TET1: variants seen among roughly 807,000 people sequenced by gnomAD.
TET1 encodes tet methylcytosine dioxygenase 1.
A neutral mutation model predicts 148.7 loss-of-function variants in TET1; 13 were observed. The ratio of observed to expected loss-of-function variants is 0.09; its 90% CI spans 0.06 to 0.14. TET1 has a LOEUF of 0.14. TET1 is among the 10% of genes least tolerant of loss of function. The pLI is 1.00. For synonymous variants in TET1, 907 were observed against 937.2 expected, an observed-to-expected ratio of 0.97 and a Z score of 0.59; for missense variants, 2,182 against 2,553.8, an observed-to-expected ratio of 0.85 and a Z score of 3.14.
At chr10:68,673,376 G>T in intron 8 of TET1, 1 of 289,332 alleles carries the variant, frequency 3.5e-6, no homozygotes, top group South Asian at 3.3e-5. Flanking sequence ...AAATTTCAAA[G>T]ACTCAGAAAG....
rs199726871 is a variant in TET1, at chr10:68,646,291, G to A, written c.3562G>A (p.Asp1188Asn). 233 of 1,614,130 alleles carry A rather than the reference G, an allele frequency of 1.4e-4. No individual in the cohort carries two copies. Among genetic ancestry groups the A allele is most frequent in the Non-Finnish European group, 1.8e-4 (215 of 1,180,040 alleles). The change falls in exon 4 of 12, where the codon GAC becomes AAC. Residue 1188 changes from aspartate (D) to asparagine (N), a missense_variant. Physicochemically the swap from Asp to Asn is conservative, Grantham distance 23. This residue lies in a region of TET1 where 582 missense variants were observed against 599.5 expected (regional missense o/e 0.97). Transcript: ENST00000373644. ...KLSYMYGTIC[D>N]IWIASKFQNF... ...GTCCTATATGTATGGCACAATATGC[G>A]ACATTTGGATAGCATCGAAATTTCA... is the stretch of plus-strand genomic sequence containing the variant.
intron 9 of TET1, among the ~76,000 whole-genome samples, chr10:68,681,704 C>T (rs1411141815): frequency 2.6e-5 from 4 of 152,068 alleles, no homozygotes; most frequent in Admixed American, 6.6e-5. Flanking sequence ...CGTTAGCTCA[C>T]GCCTGTAATC....
chr10:68,637,255 T>C (rs913556495), intron 3 of TET1, among the ~76,000 whole-genome samples: 3 of 152,012 alleles, frequency 2.0e-5, no homozygotes, highest in Non-Finnish European at 2.9e-5. Flanking sequence ...CTCCCAAAGT[T>C]CTGGGATTAT....
chr10:68,590,107 CT>C (rs2053902532), intron 2 of TET1, among the ~76,000 whole-genome samples: 1 of 152,044 alleles, frequency 6.6e-6, no homozygotes, highest in African/African-American at 2.4e-5. Context: ...ATAACACATG[CT>C]TTTCTTTTTT....
intron 3 of TET1, among the ~76,000 whole-genome samples, chr10:68,622,070 T>C (rs563376373): frequency 1.3e-5 from 2 of 152,310 alleles, no homozygotes; most frequent in East Asian, 3.9e-4. Flanking sequence ...AATAACACAG[T>C]GCTATTAACT....
intron 3 of TET1, among the ~76,000 whole-genome samples, chr10:68,635,002 C>G (rs2054629707): frequency 6.6e-6 from 1 of 151,442 alleles, no homozygotes. Flanking sequence ...ACCATGTTGG[C>G]CAGGCTGGTC....
intron 8 of TET1, among the ~76,000 whole-genome samples, chr10:68,679,236 C>T (rs544824388): frequency 6.6e-6 from 1 of 152,098 alleles, no homozygotes; most frequent in Non-Finnish European, 1.5e-5. Context: ...ACTGTACAAA[C>T]TATGAGTTGC....
chr10:68,595,953 TATATATATACACAC>T (rs1190126924), intron 2 of TET1, among the ~76,000 whole-genome samples: 28 of 33,010 alleles, frequency 8.5e-4, no homozygotes, highest in East Asian at 2.1e-3. Context: ...TATATATATA[TATATATATACACAC>T]ACACACACAC....
Position 68,560,456 on chromosome 10 carries a change from C to A in TET1, c.-409C>A, listed in dbSNP as rs1459464950. ...GCGCAGCCGCTGGCCCCTCTACTCCCGGGTCTGCCCCCCGGGACACCCCTC... is the reference window on the plus strand; with the variant it reads ...GCGCAGCCGCTGGCCCCTCTACTCCAGGGTCTGCCCCCCGGGACACCCCTC... On this transcript the variant is annotated 5_prime_UTR_variant, in exon 1 of 12. Transcript: ENST00000373644. Among the ~76,000 whole-genome samples the A allele has an allele frequency of 1.3e-5, 2 of 152,216 alleles. No individual in the cohort carries two copies. The highest frequency in any genetic ancestry group is 2.9e-5 in the Non-Finnish European group (2 of 68,028).
At chr10:68,585,161 C>A (rs2053847265) in intron 2 of TET1, among the ~76,000 whole-genome samples, 1 of 152,142 alleles carries the variant, frequency 6.6e-6, no homozygotes, top group East Asian at 1.9e-4. Context: ...TGCGCCACCA[C>A]ACCAGGCTAA....
intron 3 of TET1, among the ~76,000 whole-genome samples, chr10:68,614,457 A>G (rs760464173): frequency 1.6e-4 from 25 of 152,190 alleles, no homozygotes; most frequent in Non-Finnish European, 3.4e-4. Flanking sequence ...AGTCAAATTC[A>G]CTGCCCAAGA....
At position 68,611,382 on chromosome 10, in the gene TET1, C is replaced by T. The variant is rs141437430; in HGVS notation, c.1968+10348C>T. Among the ~76,000 whole-genome samples the T allele has an allele frequency of 2.5e-3, 383 of 151,960 alleles. 3 individuals are homozygous for T. Among genetic ancestry groups the T allele is most frequent in the African/African-American group, 9.1e-3 (375 of 41,436 alleles). On this transcript the variant is annotated intron_variant, in intron 3 of 11. Coordinates refer to ENST00000373644, the MANE Select transcript of TET1 (RefSeq NM_030625.3). ...GTCCTAGCTACTCAGAAGGCTAAAG[C>T]AAGAGGATTGCTTGAACTATGGAGC...
chr10:68,616,269 T>C (rs913755628), intron 3 of TET1, among the ~76,000 whole-genome samples: 2 of 150,398 alleles, frequency 1.3e-5, no homozygotes, highest in African/African-American at 2.4e-5. Context: ...GCTATATCTC[T>C]TTAGTCTTTC....
intron 3 of TET1, among the ~76,000 whole-genome samples, chr10:68,640,391 G>C (rs994685838): frequency 3.8e-4 from 58 of 150,830 alleles, no homozygotes; most frequent in Non-Finnish European, 2.9e-4. Flanking sequence ...AGCCTTCCGA[G>C]TTGCTGGGAT....
intron 3 of TET1, among the ~76,000 whole-genome samples, chr10:68,611,215 C>T (rs2054204458): frequency 6.6e-6 from 1 of 151,924 alleles, no homozygotes; most frequent in Admixed American, 6.6e-5. Flanking sequence ...TGCTTGACCT[C>T]AGGAGGCGGA....
rs1333809107 is a variant in TET1 at position 68,686,372 on chromosome 10, G to A, written c.5069G>A (p.Arg1690Gln). 1.9e-6 allele frequency: 3 copies of A among 1,605,926 alleles called. No homozygotes were observed. Among genetic ancestry groups the A allele is most frequent in the African/African-American group, 1.3e-5 (1 of 74,678 alleles). The change falls in exon 11 of 12, where the codon CGA (arginine) becomes CAA (glutamine). Residue 1690 changes from arginine (R) to glutamine (Q), a missense_variant. By Grantham distance (43) the Arg-to-Gln change is conservative (BLOSUM62 1). Around this residue, in one of 11 missense-constraint regions of TET1, gnomAD observed 380 missense variants for 387.9 expected, o/e 0.98. Coordinates refer to ENST00000373644, the MANE Select transcript of TET1 (RefSeq NM_030625.3). ...NGSTVVCTLT[R>Q]EDNRSLGVIP... The stretch of plus-strand genomic sequence containing the variant: ...CCCTATCAGGTTTGTACCTTAACTC[G>A]AGAAGATAACCGCTCTTTGGGTGTT...
At chr10:68,561,110 T>C (rs1486406505) in intron 1 of TET1, among the ~76,000 whole-genome samples, 1 of 152,034 alleles carries the variant, frequency 6.6e-6, no homozygotes, top group African/African-American at 2.4e-5. Context: ...TGGCTGAATA[T>C]ACCAGCGGTT....
intron 1 of TET1, among the ~76,000 whole-genome samples, chr10:68,569,070 T>G (rs2053637321): frequency 6.6e-6 from 1 of 152,164 alleles, no homozygotes; most frequent in Non-Finnish European, 1.5e-5. Flanking sequence ...CCTGAGATTT[T>G]ATGCTGTTTT....
intron 6 of TET1, among the ~76,000 whole-genome samples, chr10:68,662,519 C>CTT (rs11406942): frequency 6.6e-6 from 1 of 151,578 alleles, no homozygotes; most frequent in African/African-American, 2.4e-5. Flanking sequence ...TCTTCATAGC[C>CTT]TTTTTTTAGG....
Sources: gnomAD v4.1 joint callset for allele counts (sites outside exome capture counted in the v4.1 genomes callset) on GRCh38, gnomAD v4.1.1 for gene constraint, gnomAD v4.1.1 regional missense constraint, MANE v1.5 for transcripts, NCBI Gene and HGNC (gene_info 2026-07-23, HGNC 2026-07-21) for gene names.